The following CPZ variants were observed in gnomAD, a reference collection of about 807,000 sequenced individuals.
CPZ encodes VEZT/CPZ fusion.
A neutral mutation model predicts 61.8 loss-of-function variants in CPZ; 103 were observed. The observed-to-expected ratio is 1.67, with a 90% CI of 1.42 to 1.96. The LOEUF (loss-of-function observed/expected upper bound fraction) is 1.96, where lower values mean the gene tolerates loss of function less well. Among genes scored for constraint, CPZ ranks in the 30% most tolerant of loss-of-function variants. The pLI is 0.00. For synonymous variants in CPZ, 551 were observed against 373.7 expected, an observed-to-expected ratio of 1.47 and a Z score of -5.47; for missense variants, 1,461 against 914.9, an observed-to-expected ratio of 1.60 and a Z score of -7.70.
chr4:8,601,488 A>G lies in CPZ; in HGVS notation c.487A>G (p.Lys163Glu). The G allele has an allele frequency of 6.8e-7, 1 of 1,480,896 alleles. No homozygotes were observed. The highest frequency in any genetic ancestry group is 1.4e-5 in the African/African-American group (1 of 72,204). The allele number at this position is 1,480,896 out of a possible 1,614,324, so 91.7% of individuals were successfully genotyped here. The change falls in exon 3 of 11, where the codon AAG (lysine) becomes GAG (glutamate). Residue 163 changes from lysine to glutamate, a missense_variant. Lys to Glu is a moderately conservative substitution (Grantham distance 56). Transcript: ENST00000360986. ...CGAGGGCTGCTATGACCCGCTGGAGAAGCTTCGGGGTAAGGGAAAGTGGCG... is the reference window on the plus strand; with the variant it reads ...CGAGGGCTGCTATGACCCGCTGGAGGAGCTTCGGGGTAAGGGAAAGTGGCG... ...EDEGCYDPLE[K>E]LRGGLEADEA... is the part of the protein sequence containing the mutation.
intron 7 of CPZ, among the ~76,000 whole-genome samples, chr4:8,611,788 C>A (rs928725990): frequency 6.6e-6 from 1 of 151,850 alleles, no homozygotes; most frequent in African/African-American, 2.4e-5. Flanking sequence ...ACCCCAGTTA[C>A]CCATGGGACC....
At chr4:8,606,468 G>A (rs957438337) in intron 5 of CPZ, among the ~76,000 whole-genome samples, 3 of 152,134 alleles carry the variant, frequency 2.0e-5, no homozygotes, top group Non-Finnish European at 4.4e-5. Flanking sequence ...GGTAGCTCTC[G>A]GGGAGGTGGG....
chr4:8,617,277 A>T (rs1438819356), intron 9 of CPZ, among the ~76,000 whole-genome samples: 1 of 152,190 alleles, frequency 6.6e-6, no homozygotes, highest in Non-Finnish European at 1.5e-5. Flanking sequence ...AGCTGAGGAA[A>T]CTGAGGCACC....
rs1344857169 is a variant in CPZ, at chr4:8,618,461, T to C, written c.1536T>C (p.Asp512=). ...VHRGIKGVVT[D]KFGKPVKNAR... ...GGGGCATCAAAGGTGTGGTGACAGA[T>C]AAATTCGGCAAGCCAGTCAAAAACG... Residue 512 remains aspartate, a synonymous_variant, in exon 10 of 11, where the codon GAT becomes GAC. Coordinates refer to ENST00000360986, the MANE Select transcript of CPZ (RefSeq NM_001014447.3). 5 of 1,614,020 alleles carry C rather than the reference T, an allele frequency of 3.1e-6. No individual in the cohort carries two copies. The highest frequency in any genetic ancestry group is 3.4e-6 in the Non-Finnish European group (4 of 1,180,022).
intron 3 of CPZ, 175 bp from the exon 4 acceptor site, chr4:8,603,801 T>A: frequency 1.6e-6 from 1 of 627,298 alleles, no homozygotes; most frequent in Non-Finnish European, 2.9e-6. Context: ...CAGGTGCCGT[T>A]TGGCTTAGAT....
chr4:8,609,701 ATG>A (rs1715487208), intron 7 of CPZ, among the ~76,000 whole-genome samples: 1 of 152,226 alleles, frequency 6.6e-6, no homozygotes, highest in Admixed American at 6.5e-5. Context: ...TCAGAACCAG[ATG>A]TGAGAAGACG....
intron 1 of CPZ, among the ~76,000 whole-genome samples, chr4:8,596,113 G>A (rs991067779): frequency 2.0e-5 from 3 of 152,042 alleles, no homozygotes; most frequent in African/African-American, 4.8e-5. Flanking sequence ...GTGCAGTGGT[G>A]TGATCTTGGC....
At chr4:8,594,376 C>T (rs1037009181) in intron 1 of CPZ, among the ~76,000 whole-genome samples, 4 of 152,192 alleles carry the variant, frequency 2.6e-5, no homozygotes, top group African/African-American at 9.7e-5. Context: ...TCCTCTCTGC[C>T]TCACCCTTCC....
intron 1 of CPZ, among the ~76,000 whole-genome samples, chr4:8,593,416 G>T (rs1713944398): frequency 6.6e-6 from 1 of 152,204 alleles, no homozygotes; most frequent in African/African-American, 2.4e-5. Context: ...AGGGGGCGTG[G>T]GCCCCCTGGA....
chr4:8,607,271 C>T lies in CPZ; in HGVS notation c.1073C>T (p.Ala358Val). The T allele has an allele frequency of 6.2e-7, 1 of 1,613,894 alleles. No individual in the cohort carries two copies. Among genetic ancestry groups the T allele is most frequent in the African/African-American group, 1.3e-5 (1 of 75,028 alleles). The change falls in exon 7 of 11, where the codon GCC becomes GTC. Residue 358 changes from alanine to valine, a missense_variant. Physicochemically the swap from Ala to Val is moderately conservative, Grantham distance 64 (BLOSUM62 0). Transcript: ENST00000360986. The stretch of plus-strand genomic sequence containing the variant: ...GGCCTCGTCTGTCCTGGGCAGGTGG[C>T]CCCGGAGACAAAGGCAATCATGAAG... ...IPQHYWWGKV[A>V]PETKAIMKWM...
In CPZ at chr4:8,607,398, G is replaced by A; in HGVS notation, c.1200G>A (p.Lys400=). 1 of 1,614,094 alleles carries A rather than the reference G, an allele frequency of 6.2e-7. No homozygotes were observed. Among genetic ancestry groups the A allele is most frequent in the Non-Finnish European group, 8.5e-7 (1 of 1,179,950 alleles). The part of the protein sequence containing the change: ...FDFSKHPQEE[K]MFSPTPDEKM... ...TCTCCAAGCACCCCCAGGAGGAGAAGATGTTTTCTCCCACGCCCGACGAGA... is the reference window on the plus strand; with the variant it reads ...TCTCCAAGCACCCCCAGGAGGAGAAAATGTTTTCTCCCACGCCCGACGAGA... The change falls in exon 7 of 11, where the codon AAG becomes AAA. Residue 400 remains lysine, a synonymous_variant. Coordinates refer to ENST00000360986, the MANE Select transcript of CPZ (RefSeq NM_001014447.3).
At chr4:8,607,883 G>A (rs1195152892) in intron 7 of CPZ, among the ~76,000 whole-genome samples, 1 of 152,172 alleles carries the variant, frequency 6.6e-6, no homozygotes, top group African/African-American at 2.4e-5. Flanking sequence ...GGGCTCCTCC[G>A]GATGGGGAAG....
At chr4:8,614,946 C>A (rs985758375) in intron 9 of CPZ, among the ~76,000 whole-genome samples, 1 of 152,046 alleles carries the variant, frequency 6.6e-6, no homozygotes, top group Non-Finnish European at 1.5e-5. Context: ...CCCAAGGGGA[C>A]ATCAAAACCC....
intron 9 of CPZ, among the ~76,000 whole-genome samples, chr4:8,617,152 G>T (rs940276106): frequency 6.6e-6 from 1 of 152,252 alleles, no homozygotes; most frequent in East Asian, 1.9e-4. Flanking sequence ...CAGGCCAGTC[G>T]GTTTCTGCAT....
Position 8,601,487 on chromosome 4 carries a change from G to A in CPZ, c.486G>A (p.Glu162=). 6.7e-7 allele frequency: 1 copy of A among 1,482,318 alleles called. No individual in the cohort carries two copies. The highest frequency in any genetic ancestry group is 1.4e-5 in the South Asian group (1 of 73,404). 91.8% of individuals were successfully genotyped at this position (1,482,318 alleles called of 1,614,324 possible). A position where few individuals can be genotyped will look rare whatever the true frequency, so the allele number is the denominator to read the frequency against. The change falls in exon 3 of 11, where the codon GAG becomes GAA. Residue 162 remains glutamate (E), a synonymous_variant. Transcript: ENST00000360986. ...REDEGCYDPL[E]KLRGGLEADE... is the part of the protein sequence containing the mutation. Reference sequence around the variant, plus strand: ...ACGAGGGCTGCTATGACCCGCTGGAGAAGCTTCGGGGTAAGGGAAAGTGGC... The same window carrying A: ...ACGAGGGCTGCTATGACCCGCTGGAAAAGCTTCGGGGTAAGGGAAAGTGGC...
intron 7 of CPZ, among the ~76,000 whole-genome samples, chr4:8,608,662 G>A (rs1033626245): frequency 1.3e-5 from 2 of 150,928 alleles, no homozygotes; most frequent in African/African-American, 2.5e-5. Flanking sequence ...GTGCATGCAT[G>A]TGCACACGTG....
intron 9 of CPZ, chr4:8,618,017 G>C (rs550046117): frequency 7.8e-5 from 19 of 244,718 alleles, no homozygotes; most frequent in African/African-American, 4.0e-4. Flanking sequence ...CACTGTCCTC[G>C]TCCTCTCCCA....
chr4:8,615,701 G>A (rs369428481), intron 9 of CPZ, among the ~76,000 whole-genome samples: 1 of 152,196 alleles, frequency 6.6e-6, no homozygotes, highest in African/African-American at 2.4e-5. Context: ...CCAGCCAGAG[G>A]AGGAGACAGA....
In CPZ at chr4:8,612,157, C is replaced by T. The variant is rs540505939; in HGVS notation, c.1358C>T (p.Thr453Met). Residue 453 changes from threonine (T) to methionine (M), a missense_variant, in exon 8 of 11, where the codon ACG becomes ATG. Coordinates refer to ENST00000360986, the MANE Select transcript of CPZ (RefSeq NM_001014447.3). ...AACGGGGCGGACTGGTACAGCTTCA[C>T]GGGAGGTGCGGCTTCCGCAGGGCGG... The part of the protein sequence containing the change: ...IINGADWYSF[T>M]GGMSDFNYLH... 3.5e-5 allele frequency: 35 copies of T among 1,000,018 alleles called. No homozygotes were observed. Among genetic ancestry groups the T allele is most frequent in the East Asian group, 3.1e-4 (6 of 19,098 alleles). The allele number at this position is 1,000,018 out of a possible 1,614,324, so 61.9% of individuals were successfully genotyped here. A position where few individuals can be genotyped will look rare whatever the true frequency, so the allele number is the denominator to read the frequency against.
Sources: gnomAD v4.1 joint callset for allele counts (sites outside exome capture counted in the v4.1 genomes callset) on GRCh38, gnomAD v4.1.1 for gene constraint, MANE v1.5 for transcripts, NCBI Gene and HGNC (gene_info 2026-07-23, HGNC 2026-07-21) for gene names.